Variants in TRMT11 observed in about 807,000 individuals in gnomAD.
The protein encoded by TRMT11 is tRNA (guanine(10)-N(2))-methyltransferase TRMT11.
TRMT11 carries 53 observed loss-of-function variants against 62.8 expected under a neutral mutation model. That is an observed-to-expected ratio of 0.84 (90% CI 0.68 to 1.06). The LOEUF (loss-of-function observed/expected upper bound fraction) is 1.06, where lower values mean the gene tolerates loss of function less well. TRMT11 is among the 50% of genes least tolerant of loss of function. TRMT11 has a pLI of 0.00. For synonymous variants in TRMT11, 188 were observed against 190.3 expected (o/e 0.99, Z 0.10); for missense variants, 556 against 553.4 (o/e 1.00, Z -0.05).
At chr6:126,211,192 C>CATGAGGGCCTTGGAG in the TRMT11 span, among the ~76,000 whole-genome samples, 1 of 152,112 alleles carries the variant, frequency 6.6e-6, no homozygotes, top group Non-Finnish European at 1.5e-5. Context: ...TCCTTAGCAT[C>CATGAGGGCCTTGGAG]ATGAGGGCCT....
chr6:125,998,098 G>C lies in TRMT11; in HGVS notation c.258G>C (p.Leu86=). 4 of 1,613,640 alleles carry C rather than the reference G, an allele frequency of 2.5e-6. No individual in the cohort carries two copies. In the South Asian group the frequency reaches 4.4e-5, roughly 18 times the overall value. Residue 86 remains leucine (L), a synonymous_variant, in exon 4 of 13, where the codon CTG becomes CTC. Transcript: ENST00000334379. ...LWGHGQSPEE[L]YSSLKNYPVE... is the part of the protein sequence containing the mutation. ...GTCATGGACAATCTCCTGAGGAGCT[G>C]TACAGTTCTCTTAAAAACTACCCTG...
chr6:126,149,737 G>A (rs1302162218), intron 21 of TRMT11, among the ~76,000 whole-genome samples: 1 of 110,016 alleles, frequency 9.1e-6, no homozygotes, highest in Admixed American at 7.7e-5. Flanking sequence ...GCCTAACTGA[G>A]TTAAGGGGCT....
the TRMT11 span, among the ~76,000 whole-genome samples, chr6:126,240,057 A>G: frequency 6.6e-6 from 1 of 152,180 alleles, no homozygotes; most frequent in East Asian, 1.9e-4. Flanking sequence ...TTTCAGCTCC[A>G]TCAGGTCCTT....
the TRMT11 span, among the ~76,000 whole-genome samples, chr6:126,223,121 TTTTC>T: frequency 6.6e-6 from 1 of 152,208 alleles, no homozygotes; most frequent in Non-Finnish European, 1.5e-5. Context: ...TTGGAATTTC[TTTTC>T]TTTAAGAATG....
At chr6:126,007,908 A>T (rs1793601954) in intron 7 of TRMT11, among the ~76,000 whole-genome samples, 1 of 152,068 alleles carries the variant, frequency 6.6e-6, no homozygotes, top group Admixed American at 6.6e-5. Context: ...AATATGTCCT[A>T]ACCTTTTAAT....
At chr6:126,046,003 G>A (rs1191816661) in intron 16 of TRMT11, among the ~76,000 whole-genome samples, 1 of 152,044 alleles carries the variant, frequency 6.6e-6, no homozygotes, top group Admixed American at 6.6e-5. Context: ...GATAGAAGAG[G>A]CATTAACTAG....
chr6:126,100,714 CAA>C (rs2128177803), intron 17 of TRMT11, among the ~76,000 whole-genome samples: 1 of 152,294 alleles, frequency 6.6e-6, no homozygotes, highest in East Asian at 1.9e-4. Flanking sequence ...TTTCCACAGA[CAA>C]GAGTCGGGGG....
the TRMT11 span, among the ~76,000 whole-genome samples, chr6:126,209,054 T>A: frequency 1.3e-5 from 2 of 152,248 alleles, no homozygotes; most frequent in African/African-American, 4.8e-5. Flanking sequence ...ACACTAATGT[T>A]TATGGCCTCT....
chr6:126,015,381 T>C (rs1794849444), intron 11 of TRMT11, among the ~76,000 whole-genome samples: 2 of 152,068 alleles, frequency 1.3e-5, no homozygotes, highest in African/African-American at 4.8e-5. Flanking sequence ...TGTCTGCCAC[T>C]GCGCCCAGCT....
At chr6:126,155,830 C>T (rs978017110) in intron 21 of TRMT11, among the ~76,000 whole-genome samples, 2 of 152,180 alleles carry the variant, frequency 1.3e-5, no homozygotes, top group African/African-American at 2.4e-5. Flanking sequence ...ACGCCATTCT[C>T]CTGCCTCAGC....
chr6:126,190,358 TC>T (rs1246622563), intron 1 of TRMT11, among the ~76,000 whole-genome samples: 1 of 152,076 alleles, frequency 6.6e-6, no homozygotes, highest in Non-Finnish European at 1.5e-5. Context: ...GGGAGTGAGT[TC>T]TCATGAGAGC....
In TRMT11 at chr6:126,021,272, A is replaced by C; in HGVS notation, c.1252A>C (p.Lys418Gln). 2 of 1,613,776 alleles carry C rather than the reference A, an allele frequency of 1.2e-6. No homozygotes were observed. The highest frequency in any genetic ancestry group is 2.2e-5 in the South Asian group (2 of 91,050). ...CTTGATCACAATGGAAAAGGTGAAGAAATTTGAGGTAAATTGCTTCAGTAT... is the reference window on the plus strand; with the variant it reads ...CTTGATCACAATGGAAAAGGTGAAGCAATTTGAGGTAAATTGCTTCAGTAT... ...RRLITMEKVK[K>Q]FENRDQYSHL... The change falls in exon 12 of 13, where the codon AAA becomes CAA. Residue 418 changes from lysine to glutamine, a missense_variant. Lys to Gln is a moderately conservative substitution (Grantham distance 53). Transcript: ENST00000334379.
At chr6:126,225,145 A>T in the TRMT11 span, among the ~76,000 whole-genome samples, 2 of 152,128 alleles carry the variant, frequency 1.3e-5, no homozygotes, top group South Asian at 2.1e-4. Context: ...GCTTTGAGAG[A>T]TGGGCATTTT....
chr6:126,094,218 C>T (rs1777315151), intron 17 of TRMT11, among the ~76,000 whole-genome samples: 1 of 152,112 alleles, frequency 6.6e-6, no homozygotes, highest in Non-Finnish European at 1.5e-5. Context: ...ATTTTGTGTG[C>T]TTTCCACAGT....
chr6:126,112,279 A>G (rs541322780), intron 17 of TRMT11, among the ~76,000 whole-genome samples: 1 of 152,230 alleles, frequency 6.6e-6, no homozygotes, highest in East Asian at 1.9e-4. Context: ...TAAACTCCCA[A>G]CTCAGTCAGC....
the TRMT11 span, among the ~76,000 whole-genome samples, chr6:126,214,645 G>A: frequency 1.3e-5 from 2 of 151,564 alleles, no homozygotes; most frequent in Admixed American, 1.3e-4. Context: ...TCTGGCTAAG[G>A]GATTGTTGAT....
At chr6:126,125,222 G>A (rs1777701770) in intron 21 of TRMT11, among the ~76,000 whole-genome samples, 1 of 151,954 alleles carries the variant, frequency 6.6e-6, no homozygotes, top group Non-Finnish European at 1.5e-5. Flanking sequence ...ACCCTCCTTG[G>A]TTCACTTTGC....
In TRMT11 at chr6:125,993,827, GTTAAAT is replaced by G. The variant is rs760650371; in HGVS notation, c.138+8_138+13del. ...AGTCAAGAAACTTATGGAAAGGTAA[GTTAAAT>G]TTTCATTAGACCATATGGAGTATAC... is the stretch of plus-strand genomic sequence containing the variant. On this transcript the variant is annotated splice_donor_region_variant and intron_variant, in intron 2 of 12. Transcript: ENST00000334379. The G allele has an allele frequency of 5.6e-6, 9 of 1,598,200 alleles. No individual in the cohort carries two copies. Among genetic ancestry groups the G allele is most frequent in the Non-Finnish European group, 7.7e-6 (9 of 1,166,314 alleles).
chr6:126,046,484 C>T (rs929668317), intron 16 of TRMT11, among the ~76,000 whole-genome samples: 3 of 152,198 alleles, frequency 2.0e-5, no homozygotes, highest in Non-Finnish European at 2.9e-5. Flanking sequence ...CCCACTCCAA[C>T]CCCATGTTCC....
Sources: gnomAD v4.1 joint callset for allele counts (sites outside exome capture counted in the v4.1 genomes callset) on GRCh38, gnomAD v4.1.1 for gene constraint, MANE v1.5 for transcripts, NCBI Gene and HGNC (gene_info 2026-07-23, HGNC 2026-07-21) for gene names.